AVEN: variants seen among roughly 807,000 people sequenced by gnomAD.
The protein encoded by AVEN is cell death regulator Aven.
In AVEN, 41 loss-of-function variants were observed where a neutral mutation model predicts 38.1. That is an observed-to-expected ratio of 1.08 (90% CI 0.84 to 1.40). The LOEUF is 1.40. AVEN is among the 40% of genes most tolerant of loss of function. The pLI is 0.00. For missense variants in AVEN, 605 were observed against 438.8 expected (o/e 1.38, Z -3.38); for synonymous variants, 206 against 171.8 (o/e 1.20, Z -1.56).
At chr15:33,997,553 C>T (rs1896985823) in intron 2 of AVEN, among the ~76,000 whole-genome samples, 1 of 152,106 alleles carries the variant, frequency 6.6e-6, no homozygotes, top group Non-Finnish European at 1.5e-5. Context: ...CAAATCTCAA[C>T]GTCAAACATT....
At chr15:33,943,815 T>A in intron 2 of AVEN, among the ~76,000 whole-genome samples, 1 of 99,180 alleles carries the variant, frequency 1.0e-5, no homozygotes, top group Non-Finnish European at 1.9e-5. Flanking sequence ...AGAGCAAGAC[T>A]CCGTCTTTAA....
chr15:33,879,085 A>G (rs145819083), intron 2 of AVEN, among the ~76,000 whole-genome samples: 1,579 of 152,226 alleles, frequency 0.01, 21 homozygotes, highest in African/African-American at 0.036. Context: ...TCATGCTGCT[A>G]TAAAGACACA....
chr15:33,901,683 G>C (rs1892502738), intron 2 of AVEN, among the ~76,000 whole-genome samples: 1 of 152,106 alleles, frequency 6.6e-6, no homozygotes, highest in African/African-American at 2.4e-5. Flanking sequence ...TTTACATCTT[G>C]ACTTTTTTAT....
intron 2 of AVEN, among the ~76,000 whole-genome samples, chr15:33,932,763 T>G (rs1350701581): frequency 6.6e-6 from 1 of 151,908 alleles, no homozygotes; most frequent in African/African-American, 2.4e-5. Flanking sequence ...AGATGGAGGT[T>G]GCAGTGAGCC....
chr15:33,853,691 A>G, the AVEN span: 1 of 1,610,244 alleles, frequency 6.2e-7, no homozygotes, highest in Admixed American at 1.7e-5. Flanking sequence ...TGGTACAAAA[A>G]GCTTAGGAGT....
chr15:33,895,245 G>C (rs1892185124), intron 2 of AVEN, among the ~76,000 whole-genome samples: 1 of 149,746 alleles, frequency 6.7e-6, no homozygotes, highest in Non-Finnish European at 1.5e-5. Context: ...TTTTTTCACT[G>C]TTCTTCTGCA....
chr15:33,984,287 A>C (rs1030401899), intron 2 of AVEN, among the ~76,000 whole-genome samples: 1 of 152,176 alleles, frequency 6.6e-6, no homozygotes, highest in African/African-American at 2.4e-5. Context: ...GTATTAGAAA[A>C]TAAAAAGTTT....
rs531646285 is a variant in AVEN, at chr15:34,029,809, G to A, written c.267+8971C>T. ...GATTAAGACTTCTTTAATAATATAAGACTAATCTTCAATTAGCCCAAATAT... is the reference window on the plus strand; with the variant it reads ...GATTAAGACTTCTTTAATAATATAAAACTAATCTTCAATTAGCCCAAATAT... On this transcript the variant is annotated intron_variant, in intron 1 of 5. Coordinates refer to ENST00000306730, the MANE Select transcript of AVEN (RefSeq NM_020371.3). Among the ~76,000 whole-genome samples, 226 of 152,220 alleles carry A rather than the reference G, an allele frequency of 1.5e-3. 2 individuals carry two copies. The highest frequency in any genetic ancestry group is 5.2e-3 in the African/African-American group (215 of 41,520).
chr15:33,933,524 C>CACACACACACACAGAGAG lies in AVEN; in HGVS notation c.446-57530_446-57529insCTCTCTGTGTGTGTGTGT, dbSNP rs1893945145. Among the ~76,000 whole-genome samples, 24 of 46,648 alleles carry CACACACACACACAGAGAG rather than the reference C, an allele frequency of 5.1e-4. 1 individual carries two copies. Among genetic ancestry groups the CACACACACACACAGAGAG allele is most frequent in the Admixed American group, 1.6e-3 (5 of 3,200 alleles). The allele number at this position is 46,648 out of a possible 152,430, so 30.6% of individuals were successfully genotyped here. On this transcript the variant is annotated intron_variant, in intron 2 of 5. Coordinates refer to ENST00000306730, the MANE Select transcript of AVEN (RefSeq NM_020371.3). ...ACACACACACACACACACACACACACAGAGAGAGAGAGAGAGAGAGAGAGA... is the reference window on the plus strand; with the variant it reads ...ACACACACACACACACACACACACACACACACACACACAGAGAGAGAGAGAGAGAGAGAGAGAGAGAGA...
downstream of AVEN, chr15:33,865,247 A>ACAGTCAACTTCC: frequency 6.6e-7 from 1 of 1,522,326 alleles, no homozygotes; most frequent in Admixed American, 1.7e-5. Context: ...AAGAAGCGCG[A>ACAGTCAACTTCC]CAATTCTGGA....
At chr15:33,852,689 T>G in the AVEN span, 962 of 198,886 alleles carry the variant, frequency 4.8e-3, 14 homozygotes, top group African/African-American at 0.022. Flanking sequence ...GGAATGCCTG[T>G]GTTTTCTGTA....
In AVEN at chr15:33,871,094, G is replaced by C. The variant is rs1034143789; in HGVS notation, c.517-64C>G. 3.7e-6 allele frequency: 4 copies of C among 1,075,396 alleles called. 1 individual carries two copies. The highest frequency in any genetic ancestry group is 7.1e-5 in the Admixed American group (2 of 28,086). The allele number at this position is 1,075,396 out of a possible 1,614,324, so 66.6% of individuals were successfully genotyped here. Reference sequence around the variant, plus strand: ...TGATTATGACCTTTTGGAAATAAAAGAAGAAACTGTAAATAATCCACTGGA... The same window carrying C: ...TGATTATGACCTTTTGGAAATAAAACAAGAAACTGTAAATAATCCACTGGA... On this transcript the variant is annotated intron_variant, in intron 3 of 5. Coordinates refer to ENST00000306730, the MANE Select transcript of AVEN (RefSeq NM_020371.3).
rs71119906 is a variant in AVEN, at chr15:33,968,099, T to TAAAA, written c.445+34929_445+34932dup. On this transcript the variant is annotated intron_variant, in intron 2 of 5. Coordinates refer to ENST00000306730, the MANE Select transcript of AVEN (RefSeq NM_020371.3). Reference sequence around the variant, plus strand: ...TCTGTGAATAATGCCTAGCAAAGCTTAAAAAAAAAAAAAAAAAAAAAAAAA... The same window carrying TAAAA: ...TCTGTGAATAATGCCTAGCAAAGCTTAAAAAAAAAAAAAAAAAAAAAAAAAAAAA... 1.3e-3 allele frequency among the ~76,000 whole-genome samples: 34 copies of TAAAA among 25,852 alleles called. 6 individuals are homozygous for TAAAA. Among genetic ancestry groups the TAAAA allele is most frequent in the Admixed American group, 4.6e-3 (7 of 1,526 alleles). 17.0% of individuals were successfully genotyped at this position (25,852 alleles called of 152,430 possible).
At position 34,009,821 on chromosome 15, in the gene AVEN, C is replaced by T. The variant is rs953057302; in HGVS notation, c.268-6612G>A. Reference sequence around the variant, plus strand: ...CTGAGCAACATAGAGAGCATTGCTACAAAAATAAAAATAAAAAATTAGCTG... The same window carrying T: ...CTGAGCAACATAGAGAGCATTGCTATAAAAATAAAAATAAAAAATTAGCTG... On this transcript the variant is annotated intron_variant, in intron 1 of 5. Transcript: ENST00000306730. 8.6e-5 allele frequency among the ~76,000 whole-genome samples: 13 copies of T among 151,882 alleles called. No homozygotes were observed. In the East Asian group the frequency reaches 1.5e-3, roughly 18 times the overall value.
At chr15:33,979,561 A>C (rs903111986) in intron 2 of AVEN, among the ~76,000 whole-genome samples, 3 of 152,202 alleles carry the variant, frequency 2.0e-5, no homozygotes, top group Admixed American at 2.0e-4. Context: ...TTCATCTCCC[A>C]CAAATACTTG....
At position 34,063,069 on chromosome 15, in the gene AVEN, G is replaced by T. The variant is rs1251321713; in HGVS notation, n.1490C>A. On this transcript the variant is annotated non_coding_transcript_exon_variant, in exon 5 of 12. Coordinates refer to the AVEN transcript ENST00000675287. This position sits in a 1 kb window ranked among gnomAD's most constrained non-coding sequence, Gnocchi z 4.1. Reference sequence around the variant, plus strand: ...GGACTACGTGGCCAGCAACGCTTCTGTCATGAACCTTCTGGTGATCAGTTT... The same window carrying T: ...GGACTACGTGGCCAGCAACGCTTCTTTCATGAACCTTCTGGTGATCAGTTT... The T allele has an allele frequency of 6.8e-6, 11 of 1,614,160 alleles. No homozygotes were observed. Among genetic ancestry groups the T allele is most frequent in the Non-Finnish European group, 8.5e-6 (10 of 1,180,034 alleles).
intron 3 of AVEN, 102 bp from the exon 4 acceptor site, chr15:33,871,132 T>C (rs889169652): frequency 5.7e-6 from 4 of 706,372 alleles, no homozygotes; most frequent in Non-Finnish European, 6.2e-6. Context: ...TACATTTGGC[T>C]AGGAATAAGT....
intron 2 of AVEN, among the ~76,000 whole-genome samples, chr15:33,877,336 A>G (rs1204368687): frequency 6.6e-6 from 1 of 152,256 alleles, no homozygotes; most frequent in Admixed American, 6.5e-5. Context: ...CGATTAGAAA[A>G]GAGGATGAAT....
intron 2 of AVEN, among the ~76,000 whole-genome samples, chr15:33,880,319 C>T (rs1036334704): frequency 4.6e-5 from 7 of 152,014 alleles, no homozygotes; most frequent in African/African-American, 9.7e-5. Context: ...GCTGCTTATC[C>T]CCCTAAGGCA....
Sources: allele counts gnomAD v4.1 joint callset (sites outside exome capture counted in the v4.1 genomes callset), GRCh38; gene constraint gnomAD v4.1.1; non-coding constraint Gnocchi (gnomAD v3.1); transcripts MANE v1.5; gene names NCBI Gene and HGNC (gene_info 2026-07-23, HGNC 2026-07-21).